PLCG2: variants seen among roughly 807,000 people sequenced by gnomAD.
PLCG2 encodes the protein phospholipase C gamma 2.
Under a neutral mutation model 175.6 loss-of-function variants are expected in PLCG2, and 69 were observed. The ratio of observed to expected loss-of-function variants is 0.39; its 90% CI spans 0.32 to 0.48. PLCG2 has a LOEUF of 0.48. Among genes scored for constraint, PLCG2 ranks in the 20% least tolerant of loss-of-function variants. The pLI is 0.91. For synonymous variants in PLCG2, 827 were observed against 624.0 expected (o/e 1.33, Z -4.85); for missense variants, 1,798 against 1,650.9 (o/e 1.09, Z -1.54).
At chr16:81,835,582 T>TATA (rs34471641) in intron 2 of PLCG2, among the ~76,000 whole-genome samples, 4 of 150,858 alleles carry the variant, frequency 2.7e-5, no homozygotes, top group Non-Finnish European at 5.9e-5. Flanking sequence ...CGGTCTCAAA[T>TATA]ATAATAATAA....
At chr16:81,783,855 C>T (rs927271513) in intron 1 of PLCG2, among the ~76,000 whole-genome samples, 7 of 152,034 alleles carry the variant, frequency 4.6e-5, no homozygotes, top group African/African-American at 1.7e-4. Context: ...ATACTCTGTT[C>T]TGCCTCCTAG....
intron 2 of PLCG2, among the ~76,000 whole-genome samples, chr16:81,823,273 G>A (rs1904884834): frequency 6.6e-6 from 1 of 152,224 alleles, no homozygotes; most frequent in African/African-American, 2.4e-5. Context: ...CAGGCCTCTG[G>A]TGAGCCCCTG....
chr16:81,836,597 C>T (rs562660599), intron 2 of PLCG2, among the ~76,000 whole-genome samples: 28 of 152,216 alleles, frequency 1.8e-4, no homozygotes, highest in African/African-American at 2.2e-4. Context: ...AAAAGTTAGC[C>T]GGGCATGATG....
intron 30 of PLCG2, among the ~76,000 whole-genome samples, chr16:81,940,380 A>G (rs1311355107): frequency 1.3e-5 from 2 of 152,086 alleles, no homozygotes; most frequent in African/African-American, 2.4e-5. Context: ...AGCTAGGGCT[A>G]AGTCTGGTTT....
At chr16:81,858,000 T>C in intron 3 of PLCG2, 4 of 460,736 alleles carry the variant, frequency 8.7e-6, no homozygotes, top group Non-Finnish European at 1.6e-5. Flanking sequence ...CCTCCATTCT[T>C]AGCTGATTCC....
intron 6 of PLCG2, among the ~76,000 whole-genome samples, chr16:81,870,604 T>G (rs1259289238): frequency 1.3e-5 from 2 of 152,102 alleles, no homozygotes; most frequent in Non-Finnish European, 2.9e-5. Flanking sequence ...TTAGGGAACG[T>G]GTGGAGGGTT....
intron 2 of PLCG2, among the ~76,000 whole-genome samples, chr16:81,769,238 T>C (rs150145014): frequency 1.3e-5 from 2 of 152,290 alleles, no homozygotes; most frequent in East Asian, 1.9e-4. Context: ...TACCATTACG[T>C]CTAATATCTT....
chr16:81,961,298 TG>T lies in PLCG2; in HGVS notation c.*3302del. ...GGAAAATAGAATTGATGATGAACTT[TG>T]GCTCAATCTTAAGATGTTATCAATC... On this transcript the variant is annotated 3_prime_UTR_variant, in exon 33 of 33. Transcript: ENST00000564138. The T allele has an allele frequency of 4.4e-6, 1 of 225,690 alleles. No homozygotes were observed. The highest frequency in any genetic ancestry group is 6.5e-5 in the East Asian group (1 of 15,444). The allele number at this position is 225,690 out of a possible 1,614,324, so 14.0% of individuals were successfully genotyped here.
At chr16:81,938,676 A>T (rs1009708248) in intron 28 of PLCG2, 125 bp from the exon 29 acceptor site, 22 of 617,774 alleles carry the variant, frequency 3.6e-5, no homozygotes, top group Non-Finnish European at 6.0e-5. Context: ...TTTTCCAGTG[A>T]ATCTAGGAAA....
chr16:81,838,255 G>C lies in PLCG2; in HGVS notation c.194-16189G>C, dbSNP rs141716135. 5.4e-3 allele frequency among the ~76,000 whole-genome samples: 822 copies of C among 151,954 alleles called. 9 individuals are homozygous for C. Among genetic ancestry groups the C allele is most frequent in the Middle Eastern group, 0.024 (7 of 294 alleles). On this transcript the variant is annotated intron_variant, in intron 2 of 32. Transcript: ENST00000564138. ...GCACCTGCCACCATGCCTGGCTAAT[G>C]TTTATATTTTTAGTAGAGATGGGGT...
intron 2 of PLCG2, among the ~76,000 whole-genome samples, chr16:81,822,477 C>G (rs939059680): frequency 6.6e-6 from 1 of 152,134 alleles, no homozygotes; most frequent in East Asian, 1.9e-4. Context: ...AAAGGCGGGG[C>G]TGGGGGCAGT....
chr16:81,796,293 T>A, intron 2 of PLCG2, among the ~76,000 whole-genome samples: 1 of 152,250 alleles, frequency 6.6e-6, no homozygotes. Flanking sequence ...TTTCTGTTGC[T>A]GCCACATCAG....
intron 2 of PLCG2, among the ~76,000 whole-genome samples, chr16:81,808,041 A>G (rs997823409): frequency 2.0e-5 from 3 of 152,258 alleles, no homozygotes; most frequent in Non-Finnish European, 4.4e-5. Flanking sequence ...GGAGACAGAT[A>G]TGCAAACAAT....
chr16:81,746,018 G>A (rs1479283459), intron 1 of PLCG2, among the ~76,000 whole-genome samples: 1 of 152,206 alleles, frequency 6.6e-6, no homozygotes, highest in Non-Finnish European at 1.5e-5. Flanking sequence ...GAACAAGGGT[G>A]CACTTCTGGG....
At chr16:81,891,736 A>G in intron 11 of PLCG2, 146 bp downstream of exon 11, 1 of 564,872 alleles carries the variant, frequency 1.8e-6, no homozygotes, top group South Asian at 2.3e-5. Flanking sequence ...AATACACAGA[A>G]GCTTCTGGAA....
Position 81,893,812 on chromosome 16 carries a change from G to C in PLCG2, c.1072+18G>C. On this transcript the variant is annotated intron_variant, in intron 12 of 32. Coordinates refer to ENST00000564138, the MANE Select transcript of PLCG2 (RefSeq NM_002661.5). Reference sequence around the variant, plus strand: ...CATTGAACGTGAGTAGCTCCTTCTTGGTGGAGGTCAGGCTCGCAGCAAATT... The same window carrying C: ...CATTGAACGTGAGTAGCTCCTTCTTCGTGGAGGTCAGGCTCGCAGCAAATT... 1.9e-6 allele frequency: 3 copies of C among 1,544,750 alleles called. No homozygotes were observed. Among genetic ancestry groups the C allele is most frequent in the South Asian group, 1.1e-5 (1 of 89,626 alleles).
chr16:81,875,263 C>G (rs1461243027), intron 7 of PLCG2, among the ~76,000 whole-genome samples: 3 of 152,124 alleles, frequency 2.0e-5, no homozygotes, highest in Non-Finnish European at 4.4e-5. Flanking sequence ...CATGCCCAAC[C>G]TGCTCTATGT....
rs12446127 is a variant in PLCG2 at position 81,921,184 on chromosome 16, C to T, written c.2236-14C>T. On this transcript the variant is annotated splice_polypyrimidine_tract_variant and intron_variant, in intron 20 of 32. Transcript: ENST00000564138. ...CATGGATTATTCCATTTCTTTCTTT[C>T]TTTTTTTTTCCAGGAAAGAGATATA... The T allele has an allele frequency of 8.3e-4, 1,245 of 1,491,826 alleles. No homozygotes were observed. Among genetic ancestry groups the T allele is most frequent in the Non-Finnish European group, 1.0e-3 (1,067 of 1,071,516 alleles). 92.4% of individuals were successfully genotyped at this position (1,491,826 alleles called of 1,614,324 possible).
At chr16:81,883,013 C>A (rs1597371551) in intron 8 of PLCG2, among the ~76,000 whole-genome samples, 1 of 152,134 alleles carries the variant, frequency 6.6e-6, no homozygotes, top group Admixed American at 6.5e-5. Flanking sequence ...TGCACCAGAG[C>A]TATTTTGGAG....
Sources: gnomAD v4.1 joint callset for allele counts (sites outside exome capture counted in the v4.1 genomes callset) on GRCh38, gnomAD v4.1.1 for gene constraint, MANE v1.5 for transcripts, NCBI Gene and HGNC (gene_info 2026-07-23, HGNC 2026-07-21) for gene names.